ADGRL2: variants seen among roughly 807,000 people sequenced by gnomAD.
ADGRL2 encodes adhesion G protein-coupled receptor L2.
In ADGRL2, 44 loss-of-function variants were observed where a neutral mutation model predicts 157.4. The observed-to-expected ratio is 0.28, with a 90% CI of 0.22 to 0.36. The LOEUF is 0.36. ADGRL2 is among the 10% of genes least tolerant of loss of function. ADGRL2 has a pLI of 1.00. For missense variants in ADGRL2, 1,510 were observed against 1,768.9 expected (o/e 0.85, Z 2.63); for synonymous variants, 585 against 624.7 (o/e 0.94, Z 0.95).
chr1:81,420,257 C>T (rs1276105412), intron 1 of ADGRL2, among the ~76,000 whole-genome samples: 2 of 152,138 alleles, frequency 1.3e-5, no homozygotes, highest in Non-Finnish European at 2.9e-5. Context: ...GGATACTATC[C>T]TCCCTCCAAA....
At chr1:81,855,539 CTTCTT>C (rs1384473386) in intron 2 of ADGRL2, among the ~76,000 whole-genome samples, 1 of 152,054 alleles carries the variant, frequency 6.6e-6, no homozygotes, top group Non-Finnish European at 1.5e-5. Flanking sequence ...TTTTCTTCCT[CTTCTT>C]TTTCTTTTTC....
intron 2 of ADGRL2, among the ~76,000 whole-genome samples, chr1:81,539,902 C>T (rs183315832): frequency 3.3e-5 from 5 of 151,772 alleles, no homozygotes; most frequent in African/African-American, 1.2e-4. Flanking sequence ...TACTCTAGAA[C>T]TTAGTGTTTT....
At chr1:81,873,644 G>A (rs904693040) in intron 2 of ADGRL2, among the ~76,000 whole-genome samples, 3 of 152,024 alleles carry the variant, frequency 2.0e-5, no homozygotes, top group African/African-American at 7.2e-5. Flanking sequence ...TGCTGATCAT[G>A]TTAGATAGCA....
chr1:81,824,991 G>C (rs1381474141), intron 1 of ADGRL2, among the ~76,000 whole-genome samples: 1 of 106,216 alleles, frequency 9.4e-6, no homozygotes, highest in Non-Finnish European at 1.9e-5. Context: ...CTGTCTTTCA[G>C]ATTTTCAATT....
chr1:81,624,454 G>T (rs182104058), intron 3 of ADGRL2, among the ~76,000 whole-genome samples: 2 of 152,068 alleles, frequency 1.3e-5, no homozygotes, highest in Non-Finnish European at 2.9e-5. Flanking sequence ...GGTGGCCCGC[G>T]CCTGTAATCC....
At chr1:81,649,560 T>C (rs527691751) in intron 3 of ADGRL2, among the ~76,000 whole-genome samples, 117 of 152,208 alleles carry the variant, frequency 7.7e-4, no homozygotes, top group Non-Finnish European at 1.5e-3. Context: ...CTGGAATATC[T>C]TGTTTCTTTT....
intron 1 of ADGRL2, chr1:81,427,058 T>C (rs1248465712): frequency 1.5e-6 from 2 of 1,368,140 alleles, no homozygotes; most frequent in East Asian, 2.3e-5. Flanking sequence ...ACACTATTAA[T>C]GGGCATAATT....
intron 2 of ADGRL2, among the ~76,000 whole-genome samples, chr1:81,857,328 C>T (rs2093236191): frequency 6.6e-6 from 1 of 152,136 alleles, no homozygotes; most frequent in Non-Finnish European, 1.5e-5. Flanking sequence ...GTGGTTTAAT[C>T]ATGCATAATT....
intron 17 of ADGRL2, among the ~76,000 whole-genome samples, chr1:81,974,866 G>A (rs530624088): frequency 2.8e-4 from 43 of 151,944 alleles, no homozygotes; most frequent in African/African-American, 1.0e-3. Flanking sequence ...AATTTTATCA[G>A]CAAATTATAT....
chr1:81,701,086 A>G (rs555990943), intron 1 of ADGRL2, among the ~76,000 whole-genome samples: 56 of 152,322 alleles, frequency 3.7e-4, no homozygotes, highest in Middle Eastern at 6.8e-3. Flanking sequence ...GCTAATTTGT[A>G]TTATACTGTA....
chr1:81,907,352 G>A (rs1392998093), intron 3 of ADGRL2, 122 bp downstream of exon 3: 1 of 647,804 alleles, frequency 1.5e-6, no homozygotes, highest in Non-Finnish European at 2.6e-6. Flanking sequence ...AACTGAGTTG[G>A]GTTTTTACCT....
chr1:81,890,910 C>T (rs551093551), intron 2 of ADGRL2, among the ~76,000 whole-genome samples: 1 of 152,160 alleles, frequency 6.6e-6, no homozygotes, highest in Admixed American at 6.5e-5. Flanking sequence ...TCTCCTGGGC[C>T]GAGTGCCTTT....
At chr1:81,860,423 T>G (rs1200131034) in intron 2 of ADGRL2, among the ~76,000 whole-genome samples, 1 of 152,120 alleles carries the variant, frequency 6.6e-6, no homozygotes. Flanking sequence ...GTGATCCTCC[T>G]GCCTTGACCT....
intron 11 of ADGRL2, among the ~76,000 whole-genome samples, chr1:81,959,478 G>A (rs1298602683): frequency 6.6e-6 from 1 of 152,070 alleles, no homozygotes; most frequent in Non-Finnish European, 1.5e-5. Context: ...ATCTTGGGAA[G>A]AGCAGAAGTT....
chr1:81,617,793 C>G (rs2081694094), intron 3 of ADGRL2, among the ~76,000 whole-genome samples: 1 of 152,188 alleles, frequency 6.6e-6, no homozygotes, highest in Non-Finnish European at 1.5e-5. Flanking sequence ...AAAATATTCC[C>G]CGTGGAATTA....
At chr1:81,650,590 A>G (rs2147388) in intron 3 of ADGRL2, among the ~76,000 whole-genome samples, 64,163 of 147,862 alleles carry the variant, frequency 0.43, 14,099 homozygotes, top group Non-Finnish European at 0.45. Context: ...AAAAAAAAAA[A>G]AAAGAAAAAG....
At chr1:81,555,820 T>A (rs1157418264) in intron 2 of ADGRL2, among the ~76,000 whole-genome samples, 1 of 151,944 alleles carries the variant, frequency 6.6e-6, no homozygotes, top group Non-Finnish European at 1.5e-5. Context: ...ACAAAAATAA[T>A]ACAAGCAAGC....
intron 2 of ADGRL2, among the ~76,000 whole-genome samples, chr1:81,497,019 A>G (rs961193148): frequency 1.1e-4 from 16 of 152,136 alleles, no homozygotes; most frequent in Admixed American, 1.0e-3. Context: ...CACAAGCTCC[A>G]CATAATGGAA....
chr1:81,657,051 T>C (rs1330615217), intron 3 of ADGRL2, among the ~76,000 whole-genome samples: 1 of 150,978 alleles, frequency 6.6e-6, no homozygotes, highest in Non-Finnish European at 1.5e-5. Flanking sequence ...ATGCAACTTA[T>C]ATCAGGGAAA....
Sources: gnomAD v4.1 joint callset for allele counts (sites outside exome capture counted in the v4.1 genomes callset) on GRCh38, gnomAD v4.1.1 for gene constraint, MANE v1.5 for transcripts, NCBI Gene and HGNC (gene_info 2026-07-23, HGNC 2026-07-21) for gene names.